The following FUS variants were observed in gnomAD, a reference collection of about 807,000 sequenced individuals.
The protein encoded by FUS is RNA-binding protein FUS.
In FUS, 5 loss-of-function variants were observed where a neutral mutation model predicts 82.7. The ratio of observed to expected loss-of-function variants is 0.06; its 90% CI spans 0.03 to 0.13. The LOEUF is 0.13. Ranked by LOEUF, FUS falls within the 10% of genes least tolerant of loss-of-function variation. FUS has a pLI of 1.00. For synonymous variants in FUS, 281 were observed against 247.4 expected (o/e 1.14, Z -1.27); for missense variants, 512 against 707.8 (o/e 0.72, Z 3.14).
intron 6 of FUS, 26 bp from the exon 7 acceptor site, chr16:31,186,776 C>T (rs1252465762): frequency 1.2e-6 from 2 of 1,612,508 alleles, no homozygotes; most frequent in African/African-American, 2.7e-5. Flanking sequence ...AGCTTCATGT[C>T]CTTTCTTCTA....
Position 31,189,319 on chromosome 16 carries a change from A to T in FUS, c.936+93A>T. The T allele has an allele frequency of 3.1e-6, 3 of 969,456 alleles. No individual in the cohort carries two copies. In the South Asian group the frequency reaches 3.9e-5, roughly 12 times the overall value. 60.1% of individuals were successfully genotyped at this position (969,456 alleles called of 1,614,324 possible). ...AAGCAAGTCTTTAATGGTTGCCAGC[A>T]GTAAAAACAAGTCTTAGTGGTTGTT... is the stretch of plus-strand genomic sequence containing the variant. On this transcript the variant is annotated intron_variant, in intron 9 of 14. Transcript: ENST00000254108.
chr16:31,180,658 C>T (rs1026699474), intron 1 of FUS, among the ~76,000 whole-genome samples: 1 of 152,210 alleles, frequency 6.6e-6, no homozygotes, highest in Non-Finnish European at 1.5e-5. Context: ...GTACCCCTTC[C>T]CCGCCTCGTG....
downstream of FUS, chr16:31,194,149 G>T (rs1369664422): frequency 1.9e-6 from 1 of 531,870 alleles, no homozygotes. Flanking sequence ...GGCCTTCCTG[G>T]GTTTCAGTAC....
chr16:31,185,713 T>C, intron 6 of FUS: 1 of 408,562 alleles, frequency 2.4e-6, no homozygotes, highest in Non-Finnish European at 5.0e-6. Flanking sequence ...TGTGACTTGG[T>C]TTATGGGGCC....
chr16:31,180,372 T>C (rs2058037508), intron 1 of FUS, 145 bp downstream of exon 1: 6 of 1,029,586 alleles, frequency 5.8e-6, no homozygotes, highest in Non-Finnish European at 8.7e-6. Flanking sequence ...GAAGAGTAAC[T>C]GGAGGAGGCT....
chr16:31,193,950 ATACTC>A (rs1184944165), downstream of FUS: 7 of 531,508 alleles, frequency 1.3e-5, no homozygotes, highest in African/African-American at 3.7e-5. Flanking sequence ...TTTGGCCAGA[ATACTC>A]TATTCTTACT....
At chr16:31,192,729 C>T (rs1280847893), downstream of FUS, 1 of 481,238 alleles carries the variant, frequency 2.1e-6, no homozygotes, top group Admixed American at 2.3e-5. Flanking sequence ...GGCCACCATG[C>T]CCACCTAGTT....
intron 1 of FUS, 73 bp downstream of exon 1, chr16:31,180,300 T>C: frequency 1.3e-6 from 2 of 1,549,548 alleles, no homozygotes; most frequent in South Asian, 1.2e-5. Context: ...TCGTTTTCAG[T>C]GGGACCGGGG....
chr16:31,194,296 T>C (rs926064692), downstream of FUS: 1 of 463,754 alleles, frequency 2.2e-6, no homozygotes, highest in Non-Finnish European at 4.2e-6. Context: ...CTTTTTAAAT[T>C]TTTTTTTTTT....
At chr16:31,194,450 T>C (rs2079398517), downstream of FUS, 1 of 505,798 alleles carries the variant, frequency 2.0e-6, no homozygotes, top group Non-Finnish European at 3.9e-6. Context: ...CCTGCCACCA[T>C]GACTGGCTAA....
downstream of FUS, chr16:31,193,201 CA>C (rs1309598109): frequency 2.4e-5 from 12 of 492,842 alleles, no homozygotes; most frequent in Non-Finnish European, 4.8e-5. Context: ...CTCAGCCTCC[CA>C]ATAAACCATG....
chr16:31,185,476 G>A (rs1462158944), intron 6 of FUS: 19 of 631,584 alleles, frequency 3.0e-5, no homozygotes, highest in Non-Finnish European at 5.6e-5. Context: ...AATATCCTAG[G>A]CAAGAAACAT....
intron 4 of FUS, 30 bp from the exon 5 acceptor site, chr16:31,184,179 G>C (rs752640023): frequency 1.2e-6 from 2 of 1,614,076 alleles, no homozygotes; most frequent in South Asian, 2.2e-5. Flanking sequence ...TGCTGGGATT[G>C]TGATTGTGTT....
At chr16:31,184,633 C>T (rs891250073) in intron 5 of FUS, among the ~76,000 whole-genome samples, 8 of 152,000 alleles carry the variant, frequency 5.3e-5, no homozygotes, top group East Asian at 1.9e-4. Flanking sequence ...TTAGTAGAGA[C>T]GGGGTTTCAC....
At chr16:31,191,635 C>T (rs767171816), downstream of FUS, 1 of 718,562 alleles carries the variant, frequency 1.4e-6, no homozygotes, top group South Asian at 1.5e-5. Flanking sequence ...TTTCACTTTC[C>T]TGGAAGATCG....
downstream of FUS, chr16:31,191,972 T>C: frequency 1.9e-6 from 1 of 533,138 alleles, no homozygotes; most frequent in Non-Finnish European, 3.6e-6. Flanking sequence ...ACAAACTACA[T>C]TTAAATGGGG....
chr16:31,183,690 T>A, intron 3 of FUS, 168 bp from the exon 4 acceptor site: 1 of 791,820 alleles, frequency 1.3e-6, no homozygotes, highest in Non-Finnish European at 2.1e-6. Context: ...AAGCATTAAA[T>A]TTAGGCTTTG....
At chr16:31,184,469 G>C in intron 5 of FUS, 73 bp downstream of exon 5, 2 of 1,342,054 alleles carry the variant, frequency 1.5e-6, no homozygotes, top group South Asian at 2.5e-5. Flanking sequence ...ACGGAGTCTT[G>C]CTCTGTCTCT....
rs984488116 is a variant in FUS at position 31,182,537 on chromosome 16, C to T, written c.63C>T (p.Pro21=). ...TQSYGAYPTQ[P]GQGYSQQSSQ... ...GCTATGGGGCCTACCCCACCCAGCC[C>T]GGGCAGGGCTATTCCCAGCAGAGCA... The change falls in exon 3 of 15, where the codon CCC becomes CCT. Residue 21 remains proline (P), a synonymous_variant. Coordinates refer to ENST00000254108, the MANE Select transcript of FUS (RefSeq NM_004960.4). 3 of 1,614,034 alleles carry T rather than the reference C, an allele frequency of 1.9e-6. No individual in the cohort carries two copies. The highest frequency in any genetic ancestry group is 2.7e-5 in the African/African-American group (2 of 74,920).
Sources: allele counts gnomAD v4.1 joint callset (sites outside exome capture counted in the v4.1 genomes callset), GRCh38; gene constraint gnomAD v4.1.1; transcripts MANE v1.5; gene names NCBI Gene and HGNC (gene_info 2026-07-23, HGNC 2026-07-21).